The following CHSY1 variants were observed in gnomAD, a reference collection of about 807,000 sequenced individuals.
CHSY1 encodes chondroitin sulfate synthase 1.
A neutral mutation model predicts 59.8 loss-of-function variants in CHSY1; 13 were observed. That is an observed-to-expected ratio of 0.22 (90% CI 0.14 to 0.35). CHSY1 has a LOEUF of 0.35. CHSY1 is among the 10% of genes least tolerant of loss of function. CHSY1 has a pLI of 1.00. For missense variants in CHSY1, 947 were observed against 1,030.6 expected (o/e 0.92, Z 1.11); for synonymous variants, 459 against 401.2 (o/e 1.14, Z -1.72).
Position 101,178,774 on chromosome 15 carries a change from C to T in CHSY1, c.1023G>A (p.Met341Ile), listed in dbSNP as rs546352507. ...TIQLHREIVL[M>I]SKYSNTEIHK... Reference sequence around the variant, plus strand: ...GAATTTCTGTGTTGCTGTATTTGCTCATCAGGACAATTTCGCGGTGCAGCT... The same window carrying T: ...GAATTTCTGTGTTGCTGTATTTGCTTATCAGGACAATTTCGCGGTGCAGCT... Residue 341 changes from methionine (M) to isoleucine (I), a missense_variant, in exon 3 of 3, where the codon ATG becomes ATA. Coordinates refer to ENST00000254190, the MANE Select transcript of CHSY1 (RefSeq NM_014918.5). The T allele has an allele frequency of 8.1e-6, 13 of 1,614,216 alleles. No individual in the cohort carries two copies. Among genetic ancestry groups the T allele is most frequent in the East Asian group, 4.5e-5 (2 of 44,882 alleles).
chr15:101,192,909 T>G (rs8036393), intron 2 of CHSY1, among the ~76,000 whole-genome samples: 87,950 of 152,090 alleles, frequency 0.58, 27,996 homozygotes, highest in East Asian at 0.87. Context: ...GGCACCCAAT[T>G]TTAAAAAATG....
intron 1 of CHSY1, among the ~76,000 whole-genome samples, chr15:101,244,926 T>C (rs140107435): frequency 2.9e-4 from 44 of 152,308 alleles, no homozygotes; most frequent in Admixed American, 5.2e-4. Flanking sequence ...ACCTTTAAAA[T>C]TCCTTTGGAA....
chr15:101,240,195 A>G (rs568588993), intron 1 of CHSY1, among the ~76,000 whole-genome samples: 1 of 152,306 alleles, frequency 6.6e-6, no homozygotes, highest in African/African-American at 2.4e-5. Flanking sequence ...AGAAATTATA[A>G]TCTTTTCAAT....
chr15:101,210,336 C>CT (rs1369206415), intron 2 of CHSY1, among the ~76,000 whole-genome samples: 1 of 152,170 alleles, frequency 6.6e-6, no homozygotes, highest in African/African-American at 2.4e-5. Flanking sequence ...CCTCTTAAGA[C>CT]TTTATCTTCC....
At chr15:101,219,059 C>T (rs1021231809) in intron 2 of CHSY1, among the ~76,000 whole-genome samples, 1 of 152,228 alleles carries the variant, frequency 6.6e-6, no homozygotes, top group African/African-American at 2.4e-5. Flanking sequence ...ACAAGCAGTA[C>T]AACCTCGAAC....
chr15:101,205,273 C>T (rs2038613682), intron 2 of CHSY1, among the ~76,000 whole-genome samples: 1 of 152,052 alleles, frequency 6.6e-6, no homozygotes, highest in South Asian at 2.1e-4. Flanking sequence ...GGCATGACAT[C>T]AATTTATTAT....
At chr15:101,209,356 T>C (rs2038660194) in intron 2 of CHSY1, among the ~76,000 whole-genome samples, 1 of 152,234 alleles carries the variant, frequency 6.6e-6, no homozygotes, top group Non-Finnish European at 1.5e-5. Context: ...TGGAGACCTG[T>C]TTCAGACTGA....
intron 2 of CHSY1, among the ~76,000 whole-genome samples, chr15:101,224,505 G>T (rs1272812635): frequency 1.3e-5 from 2 of 152,264 alleles, no homozygotes; most frequent in African/African-American, 4.8e-5. Flanking sequence ...GAGTATAAAT[G>T]GCAATGACGG....
intron 2 of CHSY1, among the ~76,000 whole-genome samples, chr15:101,215,245 T>C (rs994438099): frequency 2.0e-5 from 3 of 152,218 alleles, no homozygotes; most frequent in African/African-American, 4.8e-5. Context: ...CTGAGAATAG[T>C]AGATAAAGAC....
intron 1 of CHSY1, among the ~76,000 whole-genome samples, chr15:101,242,795 T>C (rs1259624609): frequency 2.0e-5 from 3 of 152,222 alleles, no homozygotes; most frequent in Middle Eastern, 3.2e-3. Context: ...AGCAAATGCA[T>C]TCAGCTGCAG....
intron 2 of CHSY1, among the ~76,000 whole-genome samples, chr15:101,230,072 A>T: frequency 6.6e-6 from 1 of 151,534 alleles, no homozygotes; most frequent in East Asian, 2.0e-4. Context: ...CTCCAGAGTA[A>T]CTAGGACTAC....
intron 1 of CHSY1, among the ~76,000 whole-genome samples, chr15:101,238,604 T>C (rs950074989): frequency 6.6e-6 from 1 of 152,226 alleles, no homozygotes; most frequent in Non-Finnish European, 1.5e-5. Flanking sequence ...AACTATAAAA[T>C]GCATCCTAAT....
intron 2 of CHSY1, among the ~76,000 whole-genome samples, chr15:101,225,945 A>G (rs1363116642): frequency 6.6e-6 from 1 of 152,194 alleles, no homozygotes; most frequent in Non-Finnish European, 1.5e-5. Flanking sequence ...GTGTGCTAAC[A>G]GGCTCTCACA....
At chr15:101,242,413 A>T (rs527372610) in intron 1 of CHSY1, 1 of 152,406 alleles carries the variant, frequency 6.6e-6, no homozygotes, top group South Asian at 2.1e-4. Flanking sequence ...GGTGGGCCCA[A>T]ATTCAGCTAC....
intron 2 of CHSY1, among the ~76,000 whole-genome samples, chr15:101,192,387 GGCCTTT>G (rs144738921): frequency 0.011 from 1,690 of 152,094 alleles, 28 homozygotes; most frequent in African/African-American, 0.035. Context: ...CTCTGCACAG[GGCCTTT>G]GCCTGCTCAG....
At chr15:101,196,858 T>C (rs2038513022) in intron 2 of CHSY1, among the ~76,000 whole-genome samples, 1 of 152,208 alleles carries the variant, frequency 6.6e-6, no homozygotes. Context: ...ACCTCATTTG[T>C]ATTTGAAAGA....
rs112726906 is a variant in CHSY1, at chr15:101,193,217, G to A, written c.817-14237C>T. 3.2e-3 allele frequency among the ~76,000 whole-genome samples: 490 copies of A among 152,346 alleles called. 1 individual carries two copies. The highest frequency in any genetic ancestry group is 0.011 in the African/African-American group (454 of 41,590). On this transcript the variant is annotated intron_variant, in intron 2 of 2. Transcript: ENST00000254190. ...CTAGAAATGCCTGTCCGGCAAGCAGGCAACAAACAAGGAGTGTGTCAGACG... is the reference window on the plus strand; with the variant it reads ...CTAGAAATGCCTGTCCGGCAAGCAGACAACAAACAAGGAGTGTGTCAGACG...
chr15:101,192,863 T>C (rs1043312935), intron 2 of CHSY1, among the ~76,000 whole-genome samples: 6 of 152,196 alleles, frequency 3.9e-5, no homozygotes, highest in Non-Finnish European at 8.8e-5. Context: ...CTAGGCAACA[T>C]GTTTAAACTG....
At chr15:101,214,079 G>A (rs369887022) in intron 2 of CHSY1, among the ~76,000 whole-genome samples, 1 of 152,224 alleles carries the variant, frequency 6.6e-6, no homozygotes, top group Admixed American at 6.5e-5. Context: ...TGGGGCAAAA[G>A]CCTGTGAAAT....
Sources: allele counts gnomAD v4.1 joint callset (sites outside exome capture counted in the v4.1 genomes callset), GRCh38; gene constraint gnomAD v4.1.1; transcripts MANE v1.5; gene names NCBI Gene and HGNC (gene_info 2026-07-23, HGNC 2026-07-21).